The following MED13L variants were observed in gnomAD, a reference collection of about 807,000 sequenced individuals.
MED13L encodes mediator complex subunit 13L, also known as mediator of RNA polymerase II transcription subunit 13-like.
MED13L carries 7 observed loss-of-function variants against 220.9 expected under a neutral mutation model. That is an observed-to-expected ratio of 0.03 (90% CI 0.02 to 0.06). MED13L has a LOEUF of 0.06. Among genes scored for constraint, MED13L ranks in the 10% least tolerant of loss-of-function variants. The pLI, the probability that MED13L is intolerant of heterozygous loss-of-function variation, is 1.00. For synonymous variants in MED13L, 1,011 were observed against 1,015.2 expected, an observed-to-expected ratio of 1.00 and a Z score of 0.08; for missense variants, 1,965 against 2,760.5, an observed-to-expected ratio of 0.71 and a Z score of 6.46.
Position 116,239,465 on chromosome 12 carries a change from T to C in MED13L, c.73-1760A>G, listed in dbSNP as rs534051735. Among the ~76,000 whole-genome samples the C allele has an allele frequency of 4.6e-5, 7 of 152,358 alleles. No individual in the cohort carries two copies. In the East Asian group the frequency reaches 1.2e-3, roughly 25 times the overall value. On this transcript the variant is annotated intron_variant, in intron 1 of 30. Coordinates refer to ENST00000281928, the MANE Select transcript of MED13L (RefSeq NM_015335.5). ...TATACTTTTTAAAGTTGGAACCATA[T>C]TGCATGATTTATATTTTTCACTTAT...
In MED13L at chr12:116,058,824, T is replaced by G. The variant is rs148302920; in HGVS notation, c.480-36223A>C. On this transcript the variant is annotated intron_variant, in intron 4 of 30. Transcript: ENST00000281928. ...ATCATATTCTCCAACCCCACTCAAG[T>G]AGTATTCTAAAACATTAGTGTTTCA... Among the ~76,000 whole-genome samples the G allele has an allele frequency of 1.1e-4, 16 of 152,278 alleles. No individual in the cohort carries two copies. The East Asian group carries it at 2.5e-3, about 24-fold the overall frequency.
intron 2 of MED13L, among the ~76,000 whole-genome samples, chr12:116,165,575 C>T (rs951569404): frequency 3.3e-5 from 5 of 152,020 alleles, no homozygotes; most frequent in African/African-American, 4.8e-5. Context: ...GTGATCCCCC[C>T]CGCCTCAGCC....
chr12:116,192,314 TGTTA>T (rs1401230320), intron 2 of MED13L, among the ~76,000 whole-genome samples: 1 of 152,252 alleles, frequency 6.6e-6, no homozygotes, highest in Non-Finnish European at 1.5e-5. Context: ...GTCTAATATC[TGTTA>T]GTTATATTTG....
chr12:116,183,746 G>A (rs1270523088), intron 2 of MED13L, among the ~76,000 whole-genome samples: 2 of 150,090 alleles, frequency 1.3e-5, no homozygotes, highest in Non-Finnish European at 1.5e-5. Flanking sequence ...AGGCAAGCAG[G>A]GAAAAAATCA....
intron 2 of MED13L, among the ~76,000 whole-genome samples, chr12:116,178,981 C>A (rs887193210): frequency 6.6e-6 from 1 of 152,060 alleles, no homozygotes; most frequent in African/African-American, 2.4e-5. Context: ...TTTCCCCTAC[C>A]CATTTTGAAT....
chr12:116,176,852 CA>C (rs1417643937), intron 2 of MED13L, among the ~76,000 whole-genome samples: 6 of 106,848 alleles, frequency 5.6e-5, no homozygotes, highest in Admixed American at 1.4e-4. Flanking sequence ...ACCTGTGGTA[CA>C]TATGCAGAAT....
intron 4 of MED13L, among the ~76,000 whole-genome samples, chr12:116,077,480 G>A (rs1870894688): frequency 6.6e-6 from 1 of 152,186 alleles, no homozygotes; most frequent in Admixed American, 6.5e-5. Context: ...TCAGTTGACA[G>A]TCATATATGC....
chr12:116,086,799 A>G (rs1224991856), intron 4 of MED13L, among the ~76,000 whole-genome samples: 1 of 152,184 alleles, frequency 6.6e-6, no homozygotes, highest in Non-Finnish European at 1.5e-5. Context: ...ATGCATTTTC[A>G]AAATTTTTTC....
chr12:116,080,510 T>A (rs1247173689), intron 4 of MED13L, among the ~76,000 whole-genome samples: 1 of 152,086 alleles, frequency 6.6e-6, no homozygotes, highest in Non-Finnish European at 1.5e-5. Context: ...CTGCAGCAAA[T>A]TCACAAGGGT....
At chr12:116,121,717 T>C (rs1372955308) in intron 2 of MED13L, among the ~76,000 whole-genome samples, 1 of 152,208 alleles carries the variant, frequency 6.6e-6, no homozygotes, top group Non-Finnish European at 1.5e-5. Flanking sequence ...CAGCAACAGC[T>C]GAAATGAACG....
intron 2 of MED13L, among the ~76,000 whole-genome samples, chr12:116,128,920 A>G (rs1875829530): frequency 6.6e-6 from 1 of 152,142 alleles, no homozygotes; most frequent in African/African-American, 2.4e-5. Flanking sequence ...GGAATCTTTT[A>G]TTTTCCCTTG....
chr12:116,111,515 G>GAAA lies in MED13L; in HGVS notation c.311-6_311-4dup. The stretch of plus-strand genomic sequence containing the variant: ...TTCCCAGAGTCCTTCTTCCACAACT[G>GAAA]AAAAAAAAAAGAAAAAAGAAAAAAA... On this transcript the variant is annotated splice_region_variant and splice_polypyrimidine_tract_variant and intron_variant, in intron 2 of 30. Transcript: ENST00000281928. 1.5e-6 allele frequency: 2 copies of GAAA among 1,359,684 alleles called. No homozygotes were observed. Among genetic ancestry groups the GAAA allele is most frequent in the South Asian group, 1.4e-5 (1 of 73,212 alleles). 84.2% of individuals were successfully genotyped at this position (1,359,684 alleles called of 1,614,324 possible).
intron 4 of MED13L, among the ~76,000 whole-genome samples, chr12:116,083,313 A>G (rs1871354078): frequency 6.9e-6 from 1 of 145,952 alleles, no homozygotes; most frequent in African/African-American, 2.5e-5. Context: ...CTGAGGCATG[A>G]GGATCACTTG....
At chr12:116,169,585 CA>C (rs1879529479) in intron 2 of MED13L, among the ~76,000 whole-genome samples, 1 of 152,198 alleles carries the variant, frequency 6.6e-6, no homozygotes, top group South Asian at 2.1e-4. Flanking sequence ...TCTGGCATCA[CA>C]TAAGTATGTA....
chr12:116,167,425 T>C (rs530558030), intron 2 of MED13L, among the ~76,000 whole-genome samples: 39 of 152,198 alleles, frequency 2.6e-4, no homozygotes, highest in Non-Finnish European at 2.5e-4. Context: ...GTAGATACTG[T>C]GTAACATTAA....
At chr12:116,222,294 C>A (rs1429371611) in intron 2 of MED13L, among the ~76,000 whole-genome samples, 2 of 152,152 alleles carry the variant, frequency 1.3e-5, no homozygotes, top group Non-Finnish European at 2.9e-5. Context: ...TGCAATGACA[C>A]GTCACAGAAG....
At position 115,975,276 on chromosome 12, in the gene MED13L, G is replaced by A. The variant is rs1227515681; in HGVS notation, c.5626C>T (p.Leu1876=). The change falls in exon 25 of 31, where the codon CTA becomes TTA. Residue 1876 remains leucine, a synonymous_variant. Coordinates refer to ENST00000281928, the MANE Select transcript of MED13L (RefSeq NM_015335.5). Reference sequence around the variant, plus strand: ...ATGCACCACTCCCATAACTTCTGTAGTCCAATTTTACGTGCAGATACTTTA... The same window carrying A: ...ATGCACCACTCCCATAACTTCTGTAATCCAATTTTACGTGCAGATACTTTA... ...RSKVSARKIG[L]QKLWEWCIGI... The A allele has an allele frequency of 5.0e-6, 8 of 1,613,952 alleles. No individual in the cohort carries two copies. The highest frequency in any genetic ancestry group is 6.8e-6 in the Non-Finnish European group (8 of 1,179,992).
At chr12:116,009,949 T>C (rs369990832) in intron 9 of MED13L, among the ~76,000 whole-genome samples, 1 of 152,076 alleles carries the variant, frequency 6.6e-6, no homozygotes, top group East Asian at 1.9e-4. Context: ...AATATATAAA[T>C]CATTCCCGGG....
chr12:116,222,131 G>A (rs1204732790), intron 2 of MED13L, among the ~76,000 whole-genome samples: 1 of 152,130 alleles, frequency 6.6e-6, no homozygotes, highest in African/African-American at 2.4e-5. Context: ...TCTGACAGTA[G>A]AGTTCATTTA....
Sources: allele counts gnomAD v4.1 joint callset (sites outside exome capture counted in the v4.1 genomes callset), GRCh38; gene constraint gnomAD v4.1.1; transcripts MANE v1.5; gene names NCBI Gene and HGNC (gene_info 2026-07-23, HGNC 2026-07-21).